Variants in SIMC1 observed in about 807,000 individuals in gnomAD.
The protein encoded by SIMC1 is SUMO-interacting motif-containing protein 1.
In SIMC1, 55 loss-of-function variants were observed where a neutral mutation model predicts 82.3. The observed-to-expected ratio is 0.67, with a 90% CI of 0.54 to 0.84. SIMC1 has a LOEUF of 0.84. Ranked by LOEUF, SIMC1 falls within the 40% of genes least tolerant of loss-of-function variation. The pLI, the probability that SIMC1 is intolerant of heterozygous loss-of-function variation, is 0.00. For synonymous variants in SIMC1, 353 were observed against 426.3 expected (o/e 0.83, Z 2.12); for missense variants, 915 against 1,107.2 (o/e 0.83, Z 2.46).
intron 9 of SIMC1, 115 bp from the exon 10 acceptor site, chr5:176,345,068 A>T: frequency 7.4e-7 from 1 of 1,358,266 alleles, no homozygotes. Context: ...TTCGACTTGT[A>T]TCCCTGTAGC....
chr5:176,276,405 G>C lies in SIMC1; in HGVS notation c.130-13249G>C, dbSNP rs374268041. Reference sequence around the variant, plus strand: ...TTGCTAGCGGTCTATCAATTTTGTTGGTCCTTTCAAAAAACCAGATCCTGG... The same window carrying C: ...TTGCTAGCGGTCTATCAATTTTGTTCGTCCTTTCAAAAAACCAGATCCTGG... On this transcript the variant is annotated intron_variant, in intron 1 of 9. Coordinates refer to ENST00000429602, the MANE Select transcript of SIMC1 (RefSeq NM_001308195.2). Among the ~76,000 whole-genome samples the C allele has an allele frequency of 2.7e-5, 4 of 149,058 alleles. 1 individual carries two copies. In the East Asian group the frequency reaches 7.8e-4, roughly 29 times the overall value.
chr5:176,308,452 G>GA, intron 4 of SIMC1: 1 of 1,607,952 alleles, frequency 6.2e-7, no homozygotes, highest in Non-Finnish European at 8.5e-7. Flanking sequence ...ATAACTGTTT[G>GA]GCCTTCACAT....
intron 1 of SIMC1, among the ~76,000 whole-genome samples, chr5:176,285,842 A>G (rs938674486): frequency 1.3e-5 from 2 of 151,986 alleles, no homozygotes; most frequent in African/African-American, 4.8e-5. Context: ...TTATGCACCA[A>G]TAACAGACAG....
intron 1 of SIMC1, among the ~76,000 whole-genome samples, chr5:176,243,677 C>T (rs1042864679): frequency 3.9e-5 from 6 of 151,998 alleles, no homozygotes; most frequent in African/African-American, 9.7e-5. Flanking sequence ...CACACCACCA[C>T]GCTTGACTAA....
At position 176,318,753 on chromosome 5, in the gene SIMC1, T is replaced by C. The variant is rs1013679465; in HGVS notation, c.1890-3520T>C. On this transcript the variant is annotated intron_variant, in intron 5 of 9. Coordinates refer to ENST00000429602, the MANE Select transcript of SIMC1 (RefSeq NM_001308195.2). ...ATAGATGATTTGCTTAGAAATAACT[T>C]TTCTACAGAACATCAGAGGAAATCT... Among the ~76,000 whole-genome samples the C allele has an allele frequency of 1.8e-4, 28 of 152,360 alleles. 1 individual carries two copies. The highest frequency in any genetic ancestry group is 3.4e-3 in the Middle Eastern group (1 of 294).
chr5:176,286,103 A>T (rs1763266917), intron 1 of SIMC1, among the ~76,000 whole-genome samples: 1 of 152,288 alleles, frequency 6.6e-6, no homozygotes, highest in African/African-American at 2.4e-5. Context: ...TGAAGCTACC[A>T]ATGACTTTCT....
At chr5:176,327,704 A>AGTG (rs1447501047) in intron 7 of SIMC1, among the ~76,000 whole-genome samples, 1 of 152,198 alleles carries the variant, frequency 6.6e-6, no homozygotes, top group Non-Finnish European at 1.5e-5. Flanking sequence ...TTGACTATTA[A>AGTG]GTGTGATGTT....
In SIMC1 at chr5:176,308,495, G is replaced by A. The variant is rs1005428204; in HGVS notation, c.1735-5196G>A. On this transcript the variant is annotated intron_variant, in intron 4 of 9. Coordinates refer to ENST00000429602, the MANE Select transcript of SIMC1 (RefSeq NM_001308195.2). ...TTCGCACCCAAGCCATGTACCAGAT[G>A]ATGGATCAAGGCTTTGTAGGACTTA... is the stretch of plus-strand genomic sequence containing the variant. The A allele has an allele frequency of 5.0e-5, 80 of 1,607,206 alleles. No homozygotes were observed. In the Admixed American group the frequency reaches 1.3e-3, roughly 27 times the overall value.
At chr5:176,312,218 G>A (rs1158574698) in intron 4 of SIMC1, among the ~76,000 whole-genome samples, 1 of 152,154 alleles carries the variant, frequency 6.6e-6, no homozygotes, top group Non-Finnish European at 1.5e-5. Context: ...AGTGGAGTCA[G>A]TAGAAGACTT....
At chr5:176,287,374 C>T (rs2113247100) in intron 1 of SIMC1, among the ~76,000 whole-genome samples, 1 of 152,248 alleles carries the variant, frequency 6.6e-6, no homozygotes, top group East Asian at 1.9e-4. Flanking sequence ...TAAACTATCG[C>T]AAGGACAGAA....
At chr5:176,280,902 A>T (rs1762975311) in intron 1 of SIMC1, among the ~76,000 whole-genome samples, 2 of 151,890 alleles carry the variant, frequency 1.3e-5, no homozygotes, top group African/African-American at 4.8e-5. Context: ...TCTGACAATT[A>T]TGTGTCTTGG....
At chr5:176,271,491 C>T (rs2113177933) in intron 1 of SIMC1, among the ~76,000 whole-genome samples, 1 of 152,230 alleles carries the variant, frequency 6.6e-6, no homozygotes, top group East Asian at 1.9e-4. Context: ...CACACAAAGA[C>T]AAACTTTGCA....
intron 1 of SIMC1, among the ~76,000 whole-genome samples, chr5:176,276,511 T>C (rs1762706604): frequency 6.6e-6 from 1 of 150,606 alleles, no homozygotes; most frequent in African/African-American, 2.4e-5. Flanking sequence ...GTTAGTTACA[T>C]ATGTATACAT....
chr5:176,277,089 C>T (rs1424963612), intron 1 of SIMC1, among the ~76,000 whole-genome samples: 2 of 151,794 alleles, frequency 1.3e-5, no homozygotes, highest in Admixed American at 6.6e-5. Flanking sequence ...TCCTGTTTCT[C>T]CACATCCTCT....
chr5:176,306,388 G>C (rs867420364), intron 4 of SIMC1, among the ~76,000 whole-genome samples: 1 of 88,766 alleles, frequency 1.1e-5, no homozygotes, highest in African/African-American at 2.8e-5. Flanking sequence ...CCCTCTGCCC[G>C]ACCACCACCC....
At chr5:176,286,932 C>G (rs13360777) in intron 1 of SIMC1, among the ~76,000 whole-genome samples, 35 of 152,144 alleles carry the variant, frequency 2.3e-4, no homozygotes, top group African/African-American at 8.5e-4. Flanking sequence ...CAATGAGATA[C>G]CATATCACAC....
At chr5:176,262,279 T>TAA (rs58312244) in intron 1 of SIMC1, among the ~76,000 whole-genome samples, 2 of 133,910 alleles carry the variant, frequency 1.5e-5, no homozygotes, top group East Asian at 2.2e-4. Flanking sequence ...ATTCATGATT[T>TAA]AAAAAAAAAA....
chr5:176,289,138 A>G (rs1763432494), intron 1 of SIMC1, among the ~76,000 whole-genome samples: 1 of 152,190 alleles, frequency 6.6e-6, no homozygotes, highest in Admixed American at 6.5e-5. Flanking sequence ...TAGCTGTATA[A>G]TCTTAAGGTA....
At chr5:176,277,264 T>C (rs888966977) in intron 1 of SIMC1, among the ~76,000 whole-genome samples, 1 of 151,818 alleles carries the variant, frequency 6.6e-6, no homozygotes, top group African/African-American at 2.4e-5. Context: ...AAGTGTCTGT[T>C]CATGTCCTTC....
Sources: gnomAD v4.1 joint callset for allele counts (sites outside exome capture counted in the v4.1 genomes callset) on GRCh38, gnomAD v4.1.1 for gene constraint, MANE v1.5 for transcripts, NCBI Gene and HGNC (gene_info 2026-07-23, HGNC 2026-07-21) for gene names.